CDC14A: variants seen among roughly 807,000 people sequenced by gnomAD.
CDC14A encodes cell division cycle 14A, also known as dual specificity protein phosphatase CDC14A.
In CDC14A, 53 loss-of-function variants were observed where a neutral mutation model predicts 74.4. The observed-to-expected ratio is 0.71, with a 90% CI of 0.57 to 0.89. The LOEUF is 0.89. Ranked by LOEUF, CDC14A falls within the 40% of genes least tolerant of loss-of-function variation. The probability of loss-of-function intolerance (pLI) is 0.00; values close to 1 mark genes in which losing one functional copy is unlikely to be tolerated. For synonymous variants in CDC14A, 247 were observed against 258.4 expected (o/e 0.96, Z 0.43); for missense variants, 646 against 713.7 (o/e 0.91, Z 1.08).
intron 10 of CDC14A, among the ~76,000 whole-genome samples, chr1:100,469,093 A>G (rs566468732): frequency 1.8e-4 from 27 of 152,168 alleles, no homozygotes; most frequent in Non-Finnish European, 3.2e-4. Context: ...TCTTTTCCAT[A>G]TAATTATTTA....
At position 100,424,307 on chromosome 1, in the gene CDC14A, A is replaced by G; in HGVS notation, c.389+6A>G. ...CCCCCCTATCTTCCATTCAGGTATA[A>G]CTCCTGGTGAGACTTGGGTTAAACT... On this transcript the variant is annotated splice_donor_region_variant and intron_variant, in intron 5 of 15. Transcript: ENST00000336454. The G allele has an allele frequency of 6.2e-7, 1 of 1,608,158 alleles. No homozygotes were observed. Among genetic ancestry groups the G allele is most frequent in the Non-Finnish European group, 8.5e-7 (1 of 1,174,672 alleles).
chr1:100,512,327 T>G (rs965988036), intron 15 of CDC14A, among the ~76,000 whole-genome samples: 5 of 152,078 alleles, frequency 3.3e-5, no homozygotes, highest in African/African-American at 1.2e-4. Flanking sequence ...GAACTAAAAG[T>G]CAGATAATGT....
intron 4 of CDC14A, among the ~76,000 whole-genome samples, chr1:100,399,143 G>T (rs922482474): frequency 6.6e-6 from 1 of 152,094 alleles, no homozygotes; most frequent in African/African-American, 2.4e-5. Context: ...TTCTCTCGCA[G>T]TTCTAAACCT....
chr1:100,352,868 T>C lies in CDC14A; in HGVS notation c.-87T>C, dbSNP rs1452823449. 1 of 1,602,294 alleles carries C rather than the reference T, an allele frequency of 6.2e-7. No homozygotes were observed. Among genetic ancestry groups the C allele is most frequent in the Admixed American group, 1.7e-5 (1 of 58,246 alleles). ...TTGTTGTTCGGGACTGTGAGCTTCC[T>C]GGCTCCTGGGCAGTGGGGAAGCCCC... On this transcript the variant is annotated 5_prime_UTR_variant, in exon 1 of 16. Coordinates refer to ENST00000336454, the MANE Select transcript of CDC14A (RefSeq NM_003672.4).
chr1:100,378,271 A>G (rs1655586869), intron 3 of CDC14A, among the ~76,000 whole-genome samples: 1 of 152,118 alleles, frequency 6.6e-6, no homozygotes, highest in Admixed American at 6.6e-5. Context: ...GAGGAAACTC[A>G]TCTATATACC....
intron 3 of CDC14A, among the ~76,000 whole-genome samples, chr1:100,389,249 G>A (rs1288423502): frequency 2.7e-5 from 4 of 150,810 alleles, no homozygotes; most frequent in Non-Finnish European, 5.9e-5. Context: ...TGTGATTCTA[G>A]GAGTTCGAGA....
At chr1:100,504,904 A>G (rs1412463325) in intron 15 of CDC14A, 2 of 1,531,368 alleles carry the variant, frequency 1.3e-6, no homozygotes, top group East Asian at 2.4e-5. Context: ...AAAGACATAT[A>G]TTACCTCCCA....
At chr1:100,348,495 T>C (rs1336655867), upstream of CDC14A, among the ~76,000 whole-genome samples, 2 of 152,206 alleles carry the variant, frequency 1.3e-5, no homozygotes, top group African/African-American at 4.8e-5. Context: ...CCATTCTTTT[T>C]TCTTTTTTTA....
At position 100,499,739 on chromosome 1, in the gene CDC14A, T is replaced by G. The variant is rs7532059; in HGVS notation, c.1755+477T>G. Among the ~76,000 whole-genome samples, 661 of 152,278 alleles carry G rather than the reference T, an allele frequency of 4.3e-3. 5 individuals carry two copies. Among genetic ancestry groups the G allele is most frequent in the African/African-American group, 0.015 (628 of 41,544 alleles). ...TTTTGGAGTATTGAAACGTGGAAGG[T>G]GCTGAGTGAACAGTATCTTCCTAGA... On this transcript the variant is annotated intron_variant, in intron 15 of 15. Coordinates refer to ENST00000336454, the MANE Select transcript of CDC14A (RefSeq NM_003672.4).
At chr1:100,401,402 A>G (rs948412797) in intron 4 of CDC14A, among the ~76,000 whole-genome samples, 2 of 152,154 alleles carry the variant, frequency 1.3e-5, no homozygotes, top group African/African-American at 4.8e-5. Context: ...TTTAATATGG[A>G]GTAATTTAAA....
At chr1:100,468,219 T>G in intron 10 of CDC14A, 125 bp downstream of exon 10, 1 of 1,025,790 alleles carries the variant, frequency 9.7e-7, no homozygotes, top group Non-Finnish European at 1.5e-6. Context: ...GAGAAGTGTG[T>G]GCCTCTAATA....
chr1:100,415,257 A>G (rs1456777042), intron 4 of CDC14A, among the ~76,000 whole-genome samples: 1 of 152,142 alleles, frequency 6.6e-6, no homozygotes, highest in Non-Finnish European at 1.5e-5. Flanking sequence ...TCTATTCTAA[A>G]CGAATTGTCA....
chr1:100,519,402 G>C lies in CDC14A; in HGVS notation c.*1122G>C, dbSNP rs1650514169. The C allele has an allele frequency of 6.6e-6, 1 of 152,114 alleles. No homozygotes were observed. Among genetic ancestry groups the C allele is most frequent in the African/African-American group, 2.4e-5 (1 of 41,444 alleles). The allele number at this position is 152,114 out of a possible 1,614,324, so 9.4% of individuals were successfully genotyped here. ...CAGCCCTTTCATGTAAGTATGATCT[G>C]ATATTTAGGTCTTCAGAAGCCTGTA... On this transcript the variant is annotated 3_prime_UTR_variant, in exon 16 of 16. Transcript: ENST00000336454.
At chr1:100,496,922 T>C (rs568663826) in intron 13 of CDC14A, among the ~76,000 whole-genome samples, 1 of 151,914 alleles carries the variant, frequency 6.6e-6, no homozygotes, top group South Asian at 2.1e-4. Context: ...GACTGGGCCC[T>C]GGCTCTCCAG....
At chr1:100,404,066 ATTC>A (rs201425264) in intron 4 of CDC14A, among the ~76,000 whole-genome samples, 14,786 of 152,148 alleles carry the variant, frequency 0.097, 950 homozygotes, top group East Asian at 0.18. Flanking sequence ...AAGTGAATAA[ATTC>A]ATTAAACCCC....
rs1368907996 is a variant in CDC14A, at chr1:100,409,997, T to C, written c.310-14225T>C. ...TATGTATTTTATCCAGAGTCAAATTTTAAGTTTTTAGCCTGGGACCTGGGA... is the reference window on the plus strand; with the variant it reads ...TATGTATTTTATCCAGAGTCAAATTCTAAGTTTTTAGCCTGGGACCTGGGA... On this transcript the variant is annotated intron_variant, in intron 4 of 15. Transcript: ENST00000336454. Among the ~76,000 whole-genome samples, 3 of 152,180 alleles carry C rather than the reference T, an allele frequency of 2.0e-5. No homozygotes were observed. In the East Asian group the frequency reaches 5.8e-4, roughly 29 times the overall value.
chr1:100,452,086 A>G lies in CDC14A; in HGVS notation c.520-3319A>G, dbSNP rs115943805. ...TAGGAAATCAACCTTGTAATCGTCA[A>G]CCTCAAAGACTATCTTTTCTATCTT... On this transcript the variant is annotated intron_variant, in intron 7 of 15. Coordinates refer to ENST00000336454, the MANE Select transcript of CDC14A (RefSeq NM_003672.4). Among the ~76,000 whole-genome samples, 635 of 152,326 alleles carry G rather than the reference A, an allele frequency of 4.2e-3. 6 individuals carry two copies. The highest frequency in any genetic ancestry group is 0.014 in the African/African-American group (584 of 41,568).
Position 100,420,180 on chromosome 1 carries a change from A to G in CDC14A, c.310-4042A>G, listed in dbSNP as rs542938344. Among the ~76,000 whole-genome samples, 11 of 143,874 alleles carry G rather than the reference A, an allele frequency of 7.6e-5. No homozygotes were observed. In the East Asian group the frequency reaches 2.0e-3, roughly 26 times the overall value. 94.4% of individuals were successfully genotyped at this position (143,874 alleles called of 152,430 possible). On this transcript the variant is annotated intron_variant, in intron 4 of 15. Transcript: ENST00000336454. ...ATAGCACCTAAAAACAAAGCTAAAA[A>G]CATAGTAAAGTTTGAGGCAAATGTC...
intron 4 of CDC14A, among the ~76,000 whole-genome samples, chr1:100,421,141 G>A (rs1662315952): frequency 6.6e-6 from 1 of 152,116 alleles, no homozygotes; most frequent in African/African-American, 2.4e-5. Context: ...TTGTTAAGTT[G>A]TATTAGTCAA....
Sources: gnomAD v4.1 joint callset for allele counts (sites outside exome capture counted in the v4.1 genomes callset) on GRCh38, gnomAD v4.1.1 for gene constraint, MANE v1.5 for transcripts, NCBI Gene and HGNC (gene_info 2026-07-23, HGNC 2026-07-21) for gene names.